RBFOX1: variants seen among roughly 807,000 people sequenced by gnomAD.
RBFOX1 encodes the protein RNA binding fox-1 homolog 1, also known as RNA binding protein fox-1 homolog 1.
Under a neutral mutation model 57.7 loss-of-function variants are expected in RBFOX1, and 8 were observed. The observed-to-expected ratio is 0.14, with a 90% CI of 0.08 to 0.25. RBFOX1 has a LOEUF of 0.25. Ranked by LOEUF, RBFOX1 falls within the 10% of genes least tolerant of loss-of-function variation. The pLI is 1.00. For missense variants in RBFOX1, 611 were observed against 548.5 expected (o/e 1.11, Z -1.14); for synonymous variants, 326 against 222.4 (o/e 1.47, Z -4.15).
At chr16:5,459,496 GA>G (rs140575614) in intron 1 of RBFOX1, among the ~76,000 whole-genome samples, 5,419 of 152,104 alleles carry the variant, frequency 0.036, 145 homozygotes, top group Middle Eastern at 0.11. Flanking sequence ...AGGCTCACGT[GA>G]CCAACCGCCT....
At chr16:6,562,741 A>G (rs921654832) in intron 2 of RBFOX1, among the ~76,000 whole-genome samples, 3 of 152,144 alleles carry the variant, frequency 2.0e-5, no homozygotes, top group African/African-American at 7.2e-5. Context: ...GGAGGTTCAC[A>G]TTCTGCACAA....
intron 3 of RBFOX1, among the ~76,000 whole-genome samples, chr16:6,967,337 G>A (rs1055056436): frequency 1.3e-5 from 2 of 152,180 alleles, no homozygotes; most frequent in African/African-American, 4.8e-5. Flanking sequence ...CCATCTACCA[G>A]CAGTGGGGTT....
At chr16:7,106,467 A>G (rs1361266134) in intron 4 of RBFOX1, among the ~76,000 whole-genome samples, 1 of 152,184 alleles carries the variant, frequency 6.6e-6, no homozygotes, top group Non-Finnish European at 1.5e-5. Context: ...ATTGTAAGTG[A>G]TGAACTTAAG....
intron 4 of RBFOX1, among the ~76,000 whole-genome samples, chr16:7,230,503 A>G (rs967352706): frequency 2.0e-5 from 3 of 152,160 alleles, no homozygotes; most frequent in Non-Finnish European, 2.9e-5. Flanking sequence ...GGGCTGACCC[A>G]TCAGGCATGA....
chr16:7,643,517 G>T (rs2143650408), intron 11 of RBFOX1, among the ~76,000 whole-genome samples: 1 of 152,274 alleles, frequency 6.6e-6, no homozygotes, highest in East Asian at 1.9e-4. Flanking sequence ...TTCCAAATTA[G>T]AAATTTCTAG....
chr16:7,285,205 C>T (rs992578880), intron 4 of RBFOX1, among the ~76,000 whole-genome samples: 1 of 146,046 alleles, frequency 6.8e-6, no homozygotes, highest in Non-Finnish European at 1.5e-5. Flanking sequence ...GAGATAATTG[C>T]AGATTCACAT....
At chr16:6,677,544 A>G (rs566762904) in intron 3 of RBFOX1, among the ~76,000 whole-genome samples, 1 of 152,338 alleles carries the variant, frequency 6.6e-6, no homozygotes, top group South Asian at 2.1e-4. Context: ...GCTAGGATTA[A>G]ATAAAAATTA....
At chr16:7,704,023 C>T (rs558786636) in intron 14 of RBFOX1, among the ~76,000 whole-genome samples, 1 of 152,180 alleles carries the variant, frequency 6.6e-6, no homozygotes, top group Non-Finnish European at 1.5e-5. Context: ...ATTTACCTGG[C>T]TTTCTTGAAT....
chr16:7,066,483 G>A (rs748741927), intron 4 of RBFOX1, among the ~76,000 whole-genome samples: 4 of 152,164 alleles, frequency 2.6e-5, no homozygotes, highest in Non-Finnish European at 5.9e-5. Context: ...GGTGGAAAAT[G>A]CCTCCCCTGG....
intron 3 of RBFOX1, among the ~76,000 whole-genome samples, chr16:7,035,780 AG>A (rs1241669158): frequency 9.9e-5 from 15 of 152,080 alleles, no homozygotes; most frequent in African/African-American, 3.6e-4. Flanking sequence ...TAGTCCTTCC[AG>A]TTAGGATTCC....
chr16:7,277,464 C>A (rs904556603), intron 4 of RBFOX1, among the ~76,000 whole-genome samples: 2 of 152,040 alleles, frequency 1.3e-5, no homozygotes, highest in African/African-American at 4.8e-5. Flanking sequence ...ATAATCAAAG[C>A]GAATAGGACA....
rs1487532528 is a variant in RBFOX1, at chr16:7,347,454, G to GC, written c.28-170687dup. Among the ~76,000 whole-genome samples the GC allele has an allele frequency of 2.6e-5, 4 of 152,024 alleles. 1 individual carries two copies. The highest frequency in any genetic ancestry group is 1.5e-5 in the Non-Finnish European group (1 of 67,998). ...CAGGAGAACAGCACAGGAAAGACCC[G>GC]CCCCCCAAATTCAGTCATTTCCCAC... is the stretch of plus-strand genomic sequence containing the variant. On this transcript the variant is annotated intron_variant, in intron 4 of 15. Coordinates refer to ENST00000550418, the MANE Select transcript of RBFOX1 (RefSeq NM_018723.4).
chr16:6,951,240 A>T (rs765036775), intron 3 of RBFOX1, among the ~76,000 whole-genome samples: 1 of 152,102 alleles, frequency 6.6e-6, no homozygotes, highest in Non-Finnish European at 1.5e-5. Flanking sequence ...AAGAAAAGGC[A>T]TGTGAGTGAA....
intron 2 of RBFOX1, among the ~76,000 whole-genome samples, chr16:6,391,154 G>A (rs1461977146): frequency 2.6e-5 from 4 of 152,162 alleles, no homozygotes; most frequent in African/African-American, 7.2e-5. Context: ...GGCCTTGCCT[G>A]CAAGAAGTTT....
intron 4 of RBFOX1, among the ~76,000 whole-genome samples, chr16:7,177,975 G>C (rs1028957799): frequency 3.9e-5 from 6 of 152,166 alleles, no homozygotes; most frequent in African/African-American, 1.2e-4. Context: ...ACATGCTCAC[G>C]CTCTGGTTCC....
At chr16:6,117,323 A>T (rs961328733) in intron 1 of RBFOX1, among the ~76,000 whole-genome samples, 2 of 152,242 alleles carry the variant, frequency 1.3e-5, no homozygotes, top group African/African-American at 4.8e-5. Context: ...TAAAACTCAG[A>T]AGACAGCTTC....
chr16:6,128,085 A>G (rs780350349), intron 1 of RBFOX1, among the ~76,000 whole-genome samples: 1 of 152,218 alleles, frequency 6.6e-6, no homozygotes, highest in Non-Finnish European at 1.5e-5. Context: ...AAATGTAGCT[A>G]GATGAAATTG....
intron 2 of RBFOX1, among the ~76,000 whole-genome samples, chr16:5,496,243 T>C (rs2042997487): frequency 6.6e-6 from 1 of 152,200 alleles, no homozygotes; most frequent in Non-Finnish European, 1.5e-5. Context: ...CTATTCCCTT[T>C]GCAATAAATC....
At chr16:6,591,349 G>C (rs2097707747) in intron 2 of RBFOX1, among the ~76,000 whole-genome samples, 1 of 152,164 alleles carries the variant, frequency 6.6e-6, no homozygotes, top group African/African-American at 2.4e-5. Context: ...AGCTACTTGG[G>C]AGGCTGAGGC....
Sources: gnomAD v4.1 joint callset for allele counts (sites outside exome capture counted in the v4.1 genomes callset) on GRCh38, gnomAD v4.1.1 for gene constraint, MANE v1.5 for transcripts, NCBI Gene and HGNC (gene_info 2026-07-23, HGNC 2026-07-21) for gene names.